SOX5: variants seen among roughly 807,000 people sequenced by gnomAD.
SOX5 encodes transcription factor SOX-5.
In SOX5, 9 loss-of-function variants were observed where a neutral mutation model predicts 92.0. The ratio of observed to expected loss-of-function variants is 0.10; its 90% CI spans 0.06 to 0.17. The LOEUF (loss-of-function observed/expected upper bound fraction) is 0.17, where lower values mean the gene tolerates loss of function less well. Among genes scored for constraint, SOX5 ranks in the 10% least tolerant of loss-of-function variants. SOX5 has a pLI of 1.00. For synonymous variants in SOX5, 344 were observed against 336.3 expected (o/e 1.02, Z -0.25); for missense variants, 642 against 944.5 (o/e 0.68, Z 4.20).
At chr12:23,845,286 G>A (rs2136026069) in intron 3 of SOX5, among the ~76,000 whole-genome samples, 1 of 152,320 alleles carries the variant, frequency 6.6e-6, no homozygotes, top group Middle Eastern at 3.4e-3. Flanking sequence ...TTAAATAGGA[G>A]TTAGTAAGCA....
intron 4 of SOX5, among the ~76,000 whole-genome samples, chr12:24,031,086 T>G (rs2136851780): frequency 6.6e-6 from 1 of 152,022 alleles, no homozygotes; most frequent in Non-Finnish European, 1.5e-5. Flanking sequence ...CCTTGCATAC[T>G]GTTGGTGGGA....
At chr12:24,551,274 G>T (rs1953129649) in intron 1 of SOX5, among the ~76,000 whole-genome samples, 1 of 152,198 alleles carries the variant, frequency 6.6e-6, no homozygotes, top group Non-Finnish European at 1.5e-5. Context: ...AAGACACTGT[G>T]CTGGGCACGC....
chr12:24,430,924 C>T (rs1007233440), intron 1 of SOX5, among the ~76,000 whole-genome samples: 4 of 152,120 alleles, frequency 2.6e-5, no homozygotes, highest in Admixed American at 6.5e-5. Context: ...AAATTATATC[C>T]GATGTCTCTT....
chr12:24,354,242 GGT>G (rs1490339879), intron 2 of SOX5, among the ~76,000 whole-genome samples: 2 of 152,198 alleles, frequency 1.3e-5, no homozygotes, highest in Non-Finnish European at 2.9e-5. Flanking sequence ...ATGAACTAGA[GGT>G]GAAGAATCTC....
At position 24,543,806 on chromosome 12, in the gene SOX5, A is replaced by C. The variant is rs181514583; in HGVS notation, c.-251+18523T>G. 1.5e-3 allele frequency among the ~76,000 whole-genome samples: 223 copies of C among 152,342 alleles called. 2 individuals carry two copies. The highest frequency in any genetic ancestry group is 4.2e-3 in the African/African-American group (174 of 41,584). On this transcript the variant is annotated intron_variant, in intron 1 of 4. Transcript: ENST00000446891. ...AATATTCTTTTGAGAGACAGTCTAC[A>C]CTCAATAATGGAAAGATCATTTGTA...
intron 2 of SOX5, among the ~76,000 whole-genome samples, chr12:23,855,577 C>G (rs1274405382): frequency 6.6e-6 from 1 of 151,990 alleles, no homozygotes; most frequent in Non-Finnish European, 1.5e-5. Flanking sequence ...CTGAGATGTG[C>G]ACATCAAGCT....
Position 24,117,471 on chromosome 12 carries a change from TAC to T in SOX5, c.-2+95870_-2+95871del, listed in dbSNP as rs1017035973. Among the ~76,000 whole-genome samples, 207 of 142,514 alleles carry T rather than the reference TAC, an allele frequency of 1.5e-3. 1 individual carries two copies. Among genetic ancestry groups the T allele is most frequent in the African/African-American group, 4.8e-3 (189 of 39,620 alleles). The allele number at this position is 142,514 out of a possible 152,430, so 93.5% of individuals were successfully genotyped here. ...AATCCCACTTCTGGATATATATATA[TAC>T]GTAAAGGAATTGAAATCACTATGTC... On this transcript the variant is annotated intron_variant, in intron 4 of 4. Transcript: ENST00000446891.
At chr12:24,233,327 C>T (rs985184441) in intron 3 of SOX5, among the ~76,000 whole-genome samples, 2 of 151,608 alleles carry the variant, frequency 1.3e-5, no homozygotes, top group African/African-American at 4.8e-5. Flanking sequence ...CTAATCAATA[C>T]AAATTATAAA....
At chr12:23,817,682 A>G (rs1364758634) in intron 3 of SOX5, among the ~76,000 whole-genome samples, 1 of 152,232 alleles carries the variant, frequency 6.6e-6, no homozygotes, top group African/African-American at 2.4e-5. Flanking sequence ...CAATATGTAA[A>G]TATTAATTCA....
intron 1 of SOX5, among the ~76,000 whole-genome samples, chr12:23,896,632 A>T (rs2097180208): frequency 6.6e-6 from 1 of 151,960 alleles, no homozygotes; most frequent in Non-Finnish European, 1.5e-5. Flanking sequence ...TTAATCTTAA[A>T]ACATTTGAGA....
At chr12:23,931,461 G>A (rs1204338236) in intron 1 of SOX5, among the ~76,000 whole-genome samples, 1 of 151,702 alleles carries the variant, frequency 6.6e-6, no homozygotes, top group South Asian at 2.1e-4. Context: ...CTAAAGAGGG[G>A]CAATTTTCAA....
intron 3 of SOX5, among the ~76,000 whole-genome samples, chr12:23,807,460 A>C (rs1349752512): frequency 6.6e-6 from 1 of 152,130 alleles, no homozygotes; most frequent in Admixed American, 6.5e-5. Context: ...ATCACAAGAT[A>C]ACAGAGGCAG....
intron 6 of SOX5, among the ~76,000 whole-genome samples, chr12:23,713,721 C>A (rs909543197): frequency 7.3e-4 from 107 of 145,838 alleles, no homozygotes; most frequent in Non-Finnish European, 1.3e-3. Context: ...ATATATATAT[C>A]TTTTATATAT....
intron 1 of SOX5, among the ~76,000 whole-genome samples, chr12:24,492,915 CT>C (rs1486646835): frequency 6.6e-6 from 1 of 152,022 alleles, no homozygotes; most frequent in Non-Finnish European, 1.5e-5. Context: ...GCCACTAAGC[CT>C]TTTGATGACT....
chr12:23,555,124 A>G (rs1944924229), intron 11 of SOX5, among the ~76,000 whole-genome samples: 1 of 152,160 alleles, frequency 6.6e-6, no homozygotes, highest in Non-Finnish European at 1.5e-5. Context: ...CCTTGGCATA[A>G]CTAAACTATT....
chr12:24,372,375 C>T (rs1028718548), intron 1 of SOX5, among the ~76,000 whole-genome samples: 3 of 152,140 alleles, frequency 2.0e-5, no homozygotes, highest in African/African-American at 7.2e-5. Context: ...TGAGTGAGAA[C>T]ATGCAGTGGT....
chr12:24,148,237 C>T (rs1951271124), intron 4 of SOX5, among the ~76,000 whole-genome samples: 1 of 152,084 alleles, frequency 6.6e-6, no homozygotes, highest in Non-Finnish European at 1.5e-5. Flanking sequence ...CGGCTCACGC[C>T]TGTAATCCCA....
intron 3 of SOX5, among the ~76,000 whole-genome samples, chr12:23,829,447 C>T (rs976307928): frequency 2.6e-5 from 4 of 152,128 alleles, no homozygotes; most frequent in African/African-American, 9.7e-5. Context: ...AAACAGGTGG[C>T]TGGCTCTTCA....
chr12:24,172,647 G>A (rs1328035055), intron 4 of SOX5, among the ~76,000 whole-genome samples: 1 of 152,214 alleles, frequency 6.6e-6, no homozygotes, highest in Non-Finnish European at 1.5e-5. Flanking sequence ...CACAGCAACA[G>A]GCAAGGGATT....
Sources: allele counts gnomAD v4.1 joint callset (sites outside exome capture counted in the v4.1 genomes callset), GRCh38; gene constraint gnomAD v4.1.1; transcripts MANE v1.5; gene names NCBI Gene and HGNC (gene_info 2026-07-23, HGNC 2026-07-21).